The following CYFIP2 variants were observed in gnomAD, a reference collection of about 807,000 sequenced individuals.
CYFIP2 encodes cytoplasmic FMR1-interacting protein 2.
CYFIP2 carries 29 observed loss-of-function variants against 158.7 expected under a neutral mutation model. The observed-to-expected ratio is 0.18, with a 90% CI of 0.14 to 0.25. The LOEUF is 0.25. CYFIP2 is among the 10% of genes least tolerant of loss of function. The probability of loss-of-function intolerance (pLI) is 1.00; values close to 1 mark genes in which losing one functional copy is unlikely to be tolerated. For synonymous variants in CYFIP2, 585 were observed against 617.6 expected (o/e 0.95, Z 0.78); for missense variants, 852 against 1,639.5 (o/e 0.52, Z 8.29).
chr5:157,389,248 G>C lies in CYFIP2; in HGVS notation c.3267G>C (p.Leu1089=), dbSNP rs1321285916. ...LLTKERLCCG[L]SMFEVILTRI... ...CCAAGGAGCGGCTGTGCTGTGGCCT[G>C]TCCATGTTCGAGGTCATCCTGACCC... Residue 1089 remains leucine (L), a synonymous_variant, in exon 29 of 31, where the codon CTG becomes CTC. Transcript: ENST00000620254. The C allele has an allele frequency of 1.2e-6, 2 of 1,614,076 alleles. No individual in the cohort carries two copies. Among genetic ancestry groups the C allele is most frequent in the African/African-American group, 2.7e-5 (2 of 75,080 alleles).
At chr5:157,306,786 G>A (rs143966879) in intron 8 of CYFIP2, among the ~76,000 whole-genome samples, 362 of 152,070 alleles carry the variant, frequency 2.4e-3, no homozygotes, top group African/African-American at 8.3e-3. Context: ...GGAGGCTGAG[G>A]TGAGAGAATC....
chr5:157,302,285 C>T (rs1213914844), intron 6 of CYFIP2, among the ~76,000 whole-genome samples: 1 of 152,206 alleles, frequency 6.6e-6, no homozygotes, highest in Non-Finnish European at 1.5e-5. Context: ...TGCCCGTCAT[C>T]CCATCACCTG....
intron 1 of CYFIP2, among the ~76,000 whole-genome samples, chr5:157,280,353 C>T (rs563139146): frequency 6.9e-6 from 1 of 145,482 alleles, no homozygotes; most frequent in East Asian, 2.0e-4. Context: ...CCCACCACCA[C>T]GCCTGGCTAA....
intron 6 of CYFIP2, among the ~76,000 whole-genome samples, chr5:157,302,233 C>T (rs1302827874): frequency 6.6e-6 from 1 of 152,206 alleles, no homozygotes; most frequent in Non-Finnish European, 1.5e-5. Context: ...GGAAGTCAGG[C>T]AGCCACAGCT....
rs563688080 is a variant in CYFIP2 at position 157,285,728 on chromosome 5, G to T, written c.117+250G>T. 9.0e-3 allele frequency among the ~76,000 whole-genome samples: 1,372 copies of T among 152,284 alleles called. 28 individuals are homozygous for T. The highest frequency in any genetic ancestry group is 0.031 in the African/African-American group (1,291 of 41,550). On this transcript the variant is annotated intron_variant, in intron 2 of 30. Coordinates refer to ENST00000620254, the MANE Select transcript of CYFIP2 (RefSeq NM_001037333.3). Reference sequence around the variant, plus strand: ...CTGCTTTGACCCCAAATACCTTCCAGGCTATTCTTGCTGCTGTACCAACCA... The same window carrying T: ...CTGCTTTGACCCCAAATACCTTCCATGCTATTCTTGCTGCTGTACCAACCA...
intron 26 of CYFIP2, among the ~76,000 whole-genome samples, chr5:157,368,899 TTTG>T (rs1294988435): frequency 1.7e-3 from 190 of 111,338 alleles, no homozygotes; most frequent in African/African-American, 6.7e-3. Context: ...TTTTTGTTTT[TTTG>T]TTTTTTTTTT....
chr5:157,283,941 G>A (rs888701016), intron 1 of CYFIP2, among the ~76,000 whole-genome samples: 3 of 152,076 alleles, frequency 2.0e-5, no homozygotes, highest in African/African-American at 7.2e-5. Context: ...CCAGCCCCAG[G>A]ATCTCACAAC....
At chr5:157,281,615 T>A (rs1756994784) in intron 1 of CYFIP2, among the ~76,000 whole-genome samples, 1 of 152,228 alleles carries the variant, frequency 6.6e-6, no homozygotes, top group Non-Finnish European at 1.5e-5. Flanking sequence ...GGAATAATAG[T>A]CCCTTTCTGT....
chr5:157,341,191 GGT>G, intron 23 of CYFIP2, 34 bp downstream of exon 23: 1 of 1,595,824 alleles, frequency 6.3e-7, no homozygotes, highest in Non-Finnish European at 8.6e-7. Context: ...CCTAGAAGAG[GGT>G]TGGTGAGAAA....
intron 26 of CYFIP2, among the ~76,000 whole-genome samples, chr5:157,366,742 T>C (rs542740321): frequency 1.4e-4 from 22 of 152,342 alleles, no homozygotes; most frequent in Admixed American, 3.3e-4. Context: ...TTTTTATATG[T>C]ATCAGGTTTT....
At chr5:157,297,935 T>C (rs1581000943) in intron 5 of CYFIP2, among the ~76,000 whole-genome samples, 1 of 152,226 alleles carries the variant, frequency 6.6e-6, no homozygotes, top group Non-Finnish European at 1.5e-5. Context: ...TATTGGACAG[T>C]GCAGATATGG....
At chr5:157,386,286 C>A (rs1364599348) in intron 28 of CYFIP2, among the ~76,000 whole-genome samples, 1 of 152,118 alleles carries the variant, frequency 6.6e-6, no homozygotes, top group Non-Finnish European at 1.5e-5. Flanking sequence ...GGTGTGATCA[C>A]AGCTCACTGC....
rs1554120265 is a variant in CYFIP2 at position 157,369,879 on chromosome 5, G to GTTTTT, written c.3039+8296_3039+8300dup. ...AACAAAATCCTTGAGAATGGACCTA[G>GTTTTT]TTTTTTTTTTTTTTTTTTTAAAGAC... On this transcript the variant is annotated intron_variant, in intron 26 of 30. Coordinates refer to ENST00000620254, the MANE Select transcript of CYFIP2 (RefSeq NM_001037333.3). 8.7e-5 allele frequency among the ~76,000 whole-genome samples: 9 copies of GTTTTT among 103,276 alleles called. 2 individuals carry two copies. The highest frequency in any genetic ancestry group is 1.2e-4 in the African/African-American group (3 of 24,642). 67.8% of individuals were successfully genotyped at this position (103,276 alleles called of 152,430 possible).
At chr5:157,315,815 A>T (rs1760101000) in intron 13 of CYFIP2, among the ~76,000 whole-genome samples, 1 of 152,184 alleles carries the variant, frequency 6.6e-6, no homozygotes, top group Non-Finnish European at 1.5e-5. Context: ...AAGGTATACC[A>T]TGGCTCACAC....
chr5:157,387,674 ATT>A (rs3052309), intron 28 of CYFIP2, among the ~76,000 whole-genome samples: 11,595 of 145,872 alleles, frequency 0.079, 506 homozygotes, highest in South Asian at 0.16. Flanking sequence ...CAGGCTCAGG[ATT>A]TTTTTTTTTT....
rs528435447 is a variant in CYFIP2 at position 157,266,189 on chromosome 5, G to C, written c.-30G>C. ...AGGCCCCTCCCCTGGACCCGCCGCAGAGCCAGGTAAGCGGCCCTCGCAGGC... is the reference window on the plus strand; with the variant it reads ...AGGCCCCTCCCCTGGACCCGCCGCACAGCCAGGTAAGCGGCCCTCGCAGGC... On this transcript the variant is annotated 5_prime_UTR_variant, in exon 1 of 31. Transcript: ENST00000620254. This position sits in a 1 kb window ranked among gnomAD's most constrained non-coding sequence, Gnocchi z 4.2. 1 of 151,032 alleles carries C rather than the reference G, an allele frequency of 6.6e-6. No individual in the cohort carries two copies. Among genetic ancestry groups the C allele is most frequent in the Non-Finnish European group, 1.5e-5 (1 of 67,622 alleles). 9.4% of individuals were successfully genotyped at this position (151,032 alleles called of 1,614,324 possible).
intron 19 of CYFIP2, 113 bp downstream of exon 19, chr5:157,328,162 A>G (rs1761172205): frequency 9.6e-7 from 1 of 1,039,324 alleles, no homozygotes; most frequent in Admixed American, 2.3e-5. Context: ...AAACAGAGCC[A>G]TTCCACGGAC....
At chr5:157,300,126 T>C (rs1435419241) in intron 5 of CYFIP2, among the ~76,000 whole-genome samples, 1 of 152,168 alleles carries the variant, frequency 6.6e-6, no homozygotes, top group Non-Finnish European at 1.5e-5. Flanking sequence ...TACCTGACAC[T>C]GTCCTAGGTG....
intron 23 of CYFIP2, chr5:157,343,316 A>G: frequency 1.2e-6 from 2 of 1,614,204 alleles, no homozygotes; most frequent in South Asian, 2.2e-5. Flanking sequence ...GCTGATGCAC[A>G]GGAAGTAGAG....
Sources: allele counts gnomAD v4.1 joint callset (sites outside exome capture counted in the v4.1 genomes callset), GRCh38; gene constraint gnomAD v4.1.1; non-coding constraint Gnocchi (gnomAD v3.1); transcripts MANE v1.5; gene names NCBI Gene and HGNC (gene_info 2026-07-23, HGNC 2026-07-21).